Variants in SLC1A3 observed in about 807,000 individuals in gnomAD.
The protein encoded by SLC1A3 is solute carrier family 1 member 3, also known as excitatory amino acid transporter 1.
In SLC1A3, 21 loss-of-function variants were observed where a neutral mutation model predicts 48.1. That is an observed-to-expected ratio of 0.44 (90% CI 0.31 to 0.63). The LOEUF (loss-of-function observed/expected upper bound fraction) is 0.63. Among genes scored for constraint, SLC1A3 ranks in the 20% least tolerant of loss-of-function variants. The probability of loss-of-function intolerance (pLI) is 0.08; values close to 1 mark genes in which losing one functional copy is unlikely to be tolerated. For synonymous variants in SLC1A3, 239 were observed against 251.4 expected (o/e 0.95, Z 0.47); for missense variants, 546 against 689.0 (o/e 0.79, Z 2.32).
At chr5:36,684,573 C>A (rs1432929824) in intron 9 of SLC1A3, among the ~76,000 whole-genome samples, 1 of 152,222 alleles carries the variant, frequency 6.6e-6, no homozygotes, top group African/African-American at 2.4e-5. Context: ...CCTTCGCCCC[C>A]TTCCCTCGCT....
At position 36,686,380 on chromosome 5, in the gene SLC1A3, T is replaced by A. The variant is rs889258832; in HGVS notation, c.*111T>A. On this transcript the variant is annotated 3_prime_UTR_variant, in exon 10 of 10. Transcript: ENST00000265113. ...AGCAAGCCCGTCATCTTCCCTTTCC[T>A]CCCTTCTGATAAGACTGGAAAATAG... is the stretch of plus-strand genomic sequence containing the variant. 2 of 885,776 alleles carry A rather than the reference T, an allele frequency of 2.3e-6. No individual in the cohort carries two copies. The highest frequency in any genetic ancestry group is 3.3e-5 in the African/African-American group (2 of 60,814). 54.9% of individuals were successfully genotyped at this position (885,776 alleles called of 1,614,324 possible).
chr5:36,608,438 T>C lies in SLC1A3; in HGVS notation c.15T>C (p.Asn5=), dbSNP rs143791614. 7.3e-4 allele frequency: 1,176 copies of C among 1,613,780 alleles called. 2 individuals carry two copies. The highest frequency in any genetic ancestry group is 8.5e-4 in the Non-Finnish European group (998 of 1,179,878). MTKS[N]GEEPKMGGRM... ...AAAAGTAAAATATGACTAAAAGCAA[T>C]GGAGAAGAGCCCAAGATGGGGGGCA... The change falls in exon 2 of 10, where the codon AAT becomes AAC. Residue 5 remains asparagine, a synonymous_variant. Transcript: ENST00000265113.
At chr5:36,673,707 C>T (rs1431426167) in intron 4 of SLC1A3, among the ~76,000 whole-genome samples, 2 of 152,274 alleles carry the variant, frequency 1.3e-5, no homozygotes, top group East Asian at 3.9e-4. Context: ...CTAAACAATA[C>T]CTTAGTTAGC....
chr5:36,637,184 G>A (rs940545370), intron 3 of SLC1A3, among the ~76,000 whole-genome samples: 9 of 152,178 alleles, frequency 5.9e-5, no homozygotes, highest in Admixed American at 2.0e-4. Flanking sequence ...ATGTGACTGG[G>A]TAGGGACAGT....
intron 3 of SLC1A3, among the ~76,000 whole-genome samples, chr5:36,663,396 T>TA (rs1741599112): frequency 6.9e-6 from 1 of 144,648 alleles, no homozygotes; most frequent in Non-Finnish European, 1.5e-5. Flanking sequence ...TTTTTTTTTT[T>TA]TTTTTTTTTG....
intron 1 of SLC1A3, chr5:36,607,078 CT>C (rs1475042598): frequency 6.6e-6 from 1 of 151,984 alleles, no homozygotes; most frequent in Admixed American, 6.5e-5. Flanking sequence ...ATTTCCCGGT[CT>C]TCACTTCTCC....
At chr5:36,658,080 C>T (rs1463704681) in intron 3 of SLC1A3, among the ~76,000 whole-genome samples, 1 of 152,122 alleles carries the variant, frequency 6.6e-6, no homozygotes, top group African/African-American at 2.4e-5. Context: ...TCTCTAGGCT[C>T]AAGGAGTTGA....
intron 8 of SLC1A3, among the ~76,000 whole-genome samples, chr5:36,683,048 T>C (rs1374325093): frequency 6.6e-6 from 1 of 152,260 alleles, no homozygotes; most frequent in African/African-American, 2.4e-5. Context: ...TGTTCATAAA[T>C]CATTTTGCTT....
intron 2 of SLC1A3, among the ~76,000 whole-genome samples, chr5:36,627,810 T>C (rs1375368395): frequency 1.3e-5 from 2 of 152,206 alleles, no homozygotes; most frequent in Admixed American, 1.3e-4. Flanking sequence ...GAACCTGGGA[T>C]CTGAGTCCAA....
intron 3 of SLC1A3, among the ~76,000 whole-genome samples, chr5:36,638,205 T>C (rs192674295): frequency 1.8e-4 from 27 of 152,318 alleles, no homozygotes; most frequent in Admixed American, 1.6e-3. Flanking sequence ...ATCTTCCTCA[T>C]AGAGGCTTCT....
At chr5:36,665,608 T>TGTTACCACGTGCTGAA (rs1271521294) in intron 3 of SLC1A3, among the ~76,000 whole-genome samples, 2 of 152,238 alleles carry the variant, frequency 1.3e-5, no homozygotes, top group Non-Finnish European at 2.9e-5. Flanking sequence ...ATTTGTTGAA[T>TGTTACCACGTGCTGAA]GCTTACCACG....
At chr5:36,656,529 C>T (rs1310396828) in intron 3 of SLC1A3, among the ~76,000 whole-genome samples, 1 of 152,180 alleles carries the variant, frequency 6.6e-6, no homozygotes, top group African/African-American at 2.4e-5. Flanking sequence ...GTTGAACATT[C>T]TATTATTTGG....
intron 3 of SLC1A3, among the ~76,000 whole-genome samples, chr5:36,652,070 C>T (rs1374627968): frequency 1.3e-5 from 2 of 152,160 alleles, no homozygotes; most frequent in Middle Eastern, 3.2e-3. Flanking sequence ...GCAAAGAGAG[C>T]TTTGCCATGC....
At chr5:36,685,411 G>A (rs113350520) in intron 9 of SLC1A3, among the ~76,000 whole-genome samples, 1,995 of 152,166 alleles carry the variant, frequency 0.013, 36 homozygotes, top group African/African-American at 0.045. Context: ...TGAGTAGCTG[G>A]GATTAGAGGC....
chr5:36,628,971 A>G (rs1490450382), intron 2 of SLC1A3, among the ~76,000 whole-genome samples: 1 of 152,270 alleles, frequency 6.6e-6, no homozygotes, highest in Non-Finnish European at 1.5e-5. Flanking sequence ...TGTGAACATG[A>G]GGGGTTTTTC....
intron 3 of SLC1A3, among the ~76,000 whole-genome samples, chr5:36,663,380 A>AT (rs1156283585): frequency 0.12 from 8,397 of 69,314 alleles, 820 homozygotes; most frequent in African/African-American, 0.18. Flanking sequence ...CACGCCCGGC[A>AT]TTTTTTTTTT....
chr5:36,666,925 CCCTT>C (rs1476425101), intron 3 of SLC1A3, among the ~76,000 whole-genome samples: 4 of 152,166 alleles, frequency 2.6e-5, no homozygotes, highest in Admixed American at 6.5e-5. Flanking sequence ...TCAAGAAACT[CCCTT>C]CCTTTCCTCT....
chr5:36,686,119 T>G lies in SLC1A3; in HGVS notation c.1479T>G (p.Ile493Met). 6.2e-6 allele frequency: 10 copies of G among 1,614,208 alleles called. No homozygotes were observed. Among genetic ancestry groups the G allele is most frequent in the Non-Finnish European group, 7.6e-6 (9 of 1,180,046 alleles). ...TGGGAGACTCCCTGGGAGCTGGGAT[T>G]GTGGAGCACTTGTCACGACATGAAC... ...NVLGDSLGAG[I>M]VEHLSRHELK... Residue 493 changes from isoleucine to methionine, a missense_variant, in exon 10 of 10, where the codon ATT (isoleucine) becomes ATG (methionine). Transcript: ENST00000265113.
intron 2 of SLC1A3, among the ~76,000 whole-genome samples, chr5:36,623,699 C>CAAAA (rs35449337): frequency 1.6e-5 from 2 of 125,102 alleles, no homozygotes; most frequent in African/African-American, 5.7e-5. Flanking sequence ...ACTAAAAATA[C>CAAAA]AAAAAAAAAA....
Sources: allele counts gnomAD v4.1 joint callset (sites outside exome capture counted in the v4.1 genomes callset), GRCh38; gene constraint gnomAD v4.1.1; transcripts MANE v1.5; gene names NCBI Gene and HGNC (gene_info 2026-07-23, HGNC 2026-07-21).